The following HOOK3 variants were observed in gnomAD, a reference collection of about 807,000 sequenced individuals.
The protein encoded by HOOK3 is hook microtubule tethering protein 3.
Under a neutral mutation model 116.3 loss-of-function variants are expected in HOOK3, and 24 were observed. The ratio of observed to expected loss-of-function variants is 0.21; its 90% CI spans 0.15 to 0.29. The LOEUF (loss-of-function observed/expected upper bound fraction) is 0.29, where lower values mean the gene tolerates loss of function less well. HOOK3 is among the 10% of genes least tolerant of loss of function. HOOK3 has a pLI of 1.00. For synonymous variants in HOOK3, 275 were observed against 283.0 expected (o/e 0.97, Z 0.28); for missense variants, 632 against 830.2 (o/e 0.76, Z 2.93).
At chr8:43,011,061 T>A (rs544026229) in intron 19 of HOOK3, among the ~76,000 whole-genome samples, 1 of 151,890 alleles carries the variant, frequency 6.6e-6, no homozygotes, top group South Asian at 2.1e-4. Flanking sequence ...GGCACGATCT[T>A]GGCTCACTGC....
At chr8:42,956,221 G>A (rs1808431238) in intron 6 of HOOK3, among the ~76,000 whole-genome samples, 1 of 121,418 alleles carries the variant, frequency 8.2e-6, no homozygotes, top group South Asian at 2.7e-4. Context: ...TAAGGATTAG[G>A]GCGTGTGTGT....
At chr8:42,990,903 A>G (rs189483199) in intron 15 of HOOK3, among the ~76,000 whole-genome samples, 1 of 152,204 alleles carries the variant, frequency 6.6e-6, no homozygotes, top group Non-Finnish European at 1.5e-5. Context: ...TGCCCACACC[A>G]ATGTCCAGTT....
At position 42,934,838 on chromosome 8, in the gene HOOK3, G is replaced by A. The variant is rs182090575; in HGVS notation, c.267+4666G>A. On this transcript the variant is annotated intron_variant, in intron 4 of 21. Coordinates refer to ENST00000307602, the MANE Select transcript of HOOK3 (RefSeq NM_032410.4). ...TTCCAAGTCTTTGCTATTGTGAATA[G>A]TGCTGCAATAAACATGTGTGCATGT... 1.9e-3 allele frequency among the ~76,000 whole-genome samples: 291 copies of A among 152,276 alleles called. 2 individuals are homozygous for A. The highest frequency in any genetic ancestry group is 2.7e-3 in the Non-Finnish European group (184 of 68,030).
At chr8:42,927,072 A>C (rs1807779358) in intron 3 of HOOK3, among the ~76,000 whole-genome samples, 1 of 152,104 alleles carries the variant, frequency 6.6e-6, no homozygotes, top group South Asian at 2.1e-4. Flanking sequence ...AAATGATTTA[A>C]CCATGCGAGG....
intron 13 of HOOK3, 121 bp downstream of exon 13, chr8:42,974,315 C>T: frequency 1.6e-6 from 1 of 621,974 alleles, no homozygotes; most frequent in Non-Finnish European, 2.9e-6. Context: ...ACCTCTGCCT[C>T]CTGGAACCTC....
chr8:42,908,266 T>C (rs1282823983), intron 2 of HOOK3, among the ~76,000 whole-genome samples: 2 of 152,330 alleles, frequency 1.3e-5, no homozygotes, highest in African/African-American at 2.4e-5. Flanking sequence ...ATTCAATGCA[T>C]TCCCTATAAA....
chr8:42,945,257 A>C (rs77786122), intron 5 of HOOK3, among the ~76,000 whole-genome samples: 186 of 152,312 alleles, frequency 1.2e-3, no homozygotes, highest in African/African-American at 4.2e-3. Context: ...AGTTATTACT[A>C]GGAAACATGA....
chr8:42,975,415 A>G (rs530902997), intron 13 of HOOK3, among the ~76,000 whole-genome samples: 2 of 152,280 alleles, frequency 1.3e-5, no homozygotes, highest in South Asian at 4.1e-4. Flanking sequence ...CTATTAGTAG[A>G]GCTGGAGATA....
At chr8:42,988,832 T>C (rs1012508446) in intron 15 of HOOK3, among the ~76,000 whole-genome samples, 1 of 152,216 alleles carries the variant, frequency 6.6e-6, no homozygotes, top group African/African-American at 2.4e-5. Flanking sequence ...TTGCACAATA[T>C]TTATTCCTTT....
chr8:43,002,474 G>T (rs1421546006), intron 17 of HOOK3, among the ~76,000 whole-genome samples: 1 of 152,126 alleles, frequency 6.6e-6, no homozygotes, highest in Non-Finnish European at 1.5e-5. Context: ...TTGAAAGCTG[G>T]TCTCTGTCAC....
Position 43,018,495 on chromosome 8 carries a change from G to C in HOOK3, c.2154G>C (p.Arg718Ser). ...GCCACGTGCAGCCGGCCACAGCAAG[G>C]TAGAGAAGTTGTGCCGCTCAATCAC... is the stretch of plus-strand genomic sequence containing the variant. ...YPGHVQPATA[R>S] The change falls in exon 22 of 22, where the codon AGG becomes AGC. Residue 718 changes from arginine to serine, a missense_variant. Physicochemically the swap from Arg to Ser is moderately radical, Grantham distance 110 (BLOSUM62 -1). Transcript: ENST00000307602. The C allele has an allele frequency of 6.2e-7, 1 of 1,608,204 alleles. No individual in the cohort carries two copies. The highest frequency in any genetic ancestry group is 8.5e-7 in the Non-Finnish European group (1 of 1,178,264).
intron 2 of HOOK3, among the ~76,000 whole-genome samples, chr8:42,913,875 A>G (rs945019409): frequency 4.0e-5 from 6 of 151,678 alleles, no homozygotes; most frequent in Non-Finnish European, 7.4e-5. Context: ...TTCCTTTGCC[A>G]GTCATTAAAA....
intron 15 of HOOK3, among the ~76,000 whole-genome samples, chr8:42,997,138 G>A (rs1333908214): frequency 6.6e-6 from 1 of 152,052 alleles, no homozygotes; most frequent in East Asian, 1.9e-4. Flanking sequence ...AAACTCCTGA[G>A]CTCATGCAGT....
chr8:42,985,920 ATCCACAAGAAGCTTT>A (rs1809040952), intron 14 of HOOK3, among the ~76,000 whole-genome samples: 1 of 152,168 alleles, frequency 6.6e-6, no homozygotes, highest in Non-Finnish European at 1.5e-5. Context: ...ATTTTTCTTT[ATCCACAAGAAGCTTT>A]TCCACAGCTT....
At chr8:42,923,644 T>A (rs988017853) in intron 2 of HOOK3, among the ~76,000 whole-genome samples, 2 of 152,066 alleles carry the variant, frequency 1.3e-5, no homozygotes, top group African/African-American at 4.8e-5. Context: ...AGATTACTGG[T>A]TTTCAGGGGC....
intron 8 of HOOK3, among the ~76,000 whole-genome samples, chr8:42,961,121 G>A (rs756462681): frequency 9.9e-5 from 15 of 152,046 alleles, no homozygotes; most frequent in Admixed American, 2.0e-4. Flanking sequence ...CACTTGTGAG[G>A]ACACTACCAA....
intron 5 of HOOK3, among the ~76,000 whole-genome samples, chr8:42,946,700 A>T (rs1808234493): frequency 6.6e-6 from 1 of 151,526 alleles, no homozygotes; most frequent in Non-Finnish European, 1.5e-5. Context: ...AGTATTTTTT[A>T]AAACAATATA....
At chr8:43,002,938 A>G (rs2130474799) in intron 17 of HOOK3, among the ~76,000 whole-genome samples, 1 of 152,374 alleles carries the variant, frequency 6.6e-6, no homozygotes, top group Non-Finnish European at 1.5e-5. Flanking sequence ...ACTTTGTGGT[A>G]TAAAAGATGA....
intron 4 of HOOK3, among the ~76,000 whole-genome samples, chr8:42,936,478 G>A (rs1187195676): frequency 2.0e-5 from 3 of 152,206 alleles, no homozygotes; most frequent in Admixed American, 1.3e-4. Flanking sequence ...AGTTTTCAAA[G>A]GGAATGCTTC....
Sources: allele counts gnomAD v4.1 joint callset (sites outside exome capture counted in the v4.1 genomes callset), GRCh38; gene constraint gnomAD v4.1.1; transcripts MANE v1.5; gene names NCBI Gene and HGNC (gene_info 2026-07-23, HGNC 2026-07-21).